The following TJP1 variants were observed in gnomAD, a reference collection of about 807,000 sequenced individuals.
TJP1 encodes the protein tight junction protein ZO-1.
A neutral mutation model predicts 194.2 loss-of-function variants in TJP1; 43 were observed. The ratio of observed to expected loss-of-function variants is 0.22; its 90% confidence interval spans 0.17 to 0.29. The LOEUF is 0.29. Ranked by LOEUF, TJP1 falls within the 10% of genes least tolerant of loss-of-function variation. The pLI is 1.00. For synonymous variants in TJP1, 801 were observed against 779.0 expected (o/e 1.03, Z -0.47); for missense variants, 1,971 against 2,185.7 (o/e 0.90, Z 1.96).
intron 8 of TJP1, among the ~76,000 whole-genome samples, chr15:29,748,360 G>T (rs2044955090): frequency 6.6e-6 from 1 of 152,114 alleles, no homozygotes; most frequent in South Asian, 2.1e-4. Context: ...TATGGTGTTG[G>T]ACTATGCAGA....
intron 2 of TJP1, among the ~76,000 whole-genome samples, chr15:29,918,451 T>C (rs181558440): frequency 1.3e-5 from 2 of 152,252 alleles, no homozygotes; most frequent in African/African-American, 2.4e-5. Context: ...TAAAATGGTA[T>C]AGGCCAGGAG....
intron 2 of TJP1, among the ~76,000 whole-genome samples, chr15:29,861,837 A>C (rs2052092772): frequency 6.6e-6 from 1 of 152,162 alleles, no homozygotes; most frequent in Non-Finnish European, 1.5e-5. Flanking sequence ...AAAAGTTTTA[A>C]ATATTGATGA....
chr15:29,747,611 T>C (rs1303351992), intron 8 of TJP1, among the ~76,000 whole-genome samples: 1 of 152,228 alleles, frequency 6.6e-6, no homozygotes, highest in Non-Finnish European at 1.5e-5. Context: ...TATTGCTCTG[T>C]ACAAAGCAGA....
intron 1 of TJP1, among the ~76,000 whole-genome samples, chr15:29,817,987 G>A (rs1388906217): frequency 1.3e-5 from 2 of 151,332 alleles, no homozygotes; most frequent in African/African-American, 4.9e-5. Context: ...TGCACATTCT[G>A]CACATGGATC....
intron 23 of TJP1, among the ~76,000 whole-genome samples, chr15:29,712,222 G>T (rs968381684): frequency 8.5e-5 from 13 of 152,182 alleles, no homozygotes; most frequent in Admixed American, 5.2e-4. Context: ...GAAGTCTTAT[G>T]ATTGGCTTTT....
chr15:29,764,170 T>A (rs1200110232), intron 5 of TJP1, among the ~76,000 whole-genome samples: 3 of 152,114 alleles, frequency 2.0e-5, no homozygotes, highest in African/African-American at 7.2e-5. Context: ...CCAAATGCGG[T>A]GAGTTCAGAG....
At chr15:29,850,616 T>C (rs2051604902) in intron 2 of TJP1, among the ~76,000 whole-genome samples, 1 of 151,878 alleles carries the variant, frequency 6.6e-6, no homozygotes, top group African/African-American at 2.4e-5. Context: ...ATTACAGGCA[T>C]GAGCCACCGC....
At chr15:29,735,752 GACA>G (rs1440847255) in intron 11 of TJP1, among the ~76,000 whole-genome samples, 2 of 152,094 alleles carry the variant, frequency 1.3e-5, no homozygotes, top group African/African-American at 4.8e-5. Context: ...TAACTTGATT[GACA>G]ACAATGTAAA....
At chr15:29,747,583 A>G (rs953710235) in intron 8 of TJP1, among the ~76,000 whole-genome samples, 2 of 152,238 alleles carry the variant, frequency 1.3e-5, no homozygotes, top group Non-Finnish European at 2.9e-5. Context: ...ACAAAATTTT[A>G]ATAGTTCTAC....
chr15:29,829,613 C>T (rs1320524359), intron 2 of TJP1, among the ~76,000 whole-genome samples: 1 of 143,802 alleles, frequency 7.0e-6, no homozygotes, highest in Non-Finnish European at 1.5e-5. Context: ...GCAGGGAGTG[C>T]CAAATTCATT....
chr15:29,709,768 A>G (rs2042123330), intron 24 of TJP1, among the ~76,000 whole-genome samples: 1 of 152,184 alleles, frequency 6.6e-6, no homozygotes, highest in Non-Finnish European at 1.5e-5. Context: ...TTCCTCCTTA[A>G]AATCAGGAAC....
At chr15:29,800,393 T>A in intron 2 of TJP1, 1 of 499,482 alleles carries the variant, frequency 2.0e-6, no homozygotes. Context: ...ATCTGATCAC[T>A]CAAAATTTTA....
chr15:29,890,982 C>G (rs1174443785), intron 2 of TJP1, among the ~76,000 whole-genome samples: 1 of 152,232 alleles, frequency 6.6e-6, no homozygotes. Flanking sequence ...TGGCACCAGG[C>G]CAAGCTCTAC....
At chr15:29,797,600 AT>A (rs1449441875) in intron 2 of TJP1, among the ~76,000 whole-genome samples, 13 of 151,098 alleles carry the variant, frequency 8.6e-5, no homozygotes, top group Non-Finnish European at 1.2e-4. Context: ...AAAAAAAAAA[AT>A]CTCAAAACTC....
At chr15:29,717,801 T>G (rs2042659077) in intron 22 of TJP1, among the ~76,000 whole-genome samples, 1 of 152,180 alleles carries the variant, frequency 6.6e-6, no homozygotes, top group Non-Finnish European at 1.5e-5. Context: ...TTTCCGAAAG[T>G]CTGCTAAAGG....
chr15:29,711,737 C>G (rs976222701), intron 23 of TJP1, among the ~76,000 whole-genome samples: 1 of 152,270 alleles, frequency 6.6e-6, no homozygotes, highest in Non-Finnish European at 1.5e-5. Flanking sequence ...ATGTCACAGA[C>G]TAGGGGTTGG....
intron 2 of TJP1, among the ~76,000 whole-genome samples, chr15:29,939,737 A>C (rs1444651712): frequency 6.6e-6 from 1 of 152,186 alleles, no homozygotes; most frequent in Non-Finnish European, 1.5e-5. Context: ...TGGAGCCCTC[A>C]TGAATGGGAT....
At chr15:29,701,779 G>C in intron 27 of TJP1, 90 bp from the exon 28 acceptor site, 1 of 904,754 alleles carries the variant, frequency 1.1e-6, no homozygotes, top group South Asian at 1.6e-5. Context: ...CGTATATTTA[G>C]ACATAATTTT....
rs78556253 is a variant in TJP1, at chr15:29,785,682, C to G, written c.85-12325G>C. 4.8e-3 allele frequency among the ~76,000 whole-genome samples: 734 copies of G among 152,308 alleles called. 30 individuals carry two copies. The East Asian group carries it at 0.097, about 20-fold the overall frequency. On this transcript the variant is annotated intron_variant, in intron 2 of 27. Coordinates refer to ENST00000614355, the MANE Select transcript of TJP1 (RefSeq NM_001330239.4). ...ACAATCCGCTAATTATAACTTTCCT[C>G]ACTAATTCTAGTCTTACTTTTCTCC...
Sources: gnomAD v4.1 joint callset for allele counts (sites outside exome capture counted in the v4.1 genomes callset) on GRCh38, gnomAD v4.1.1 for gene constraint, MANE v1.5 for transcripts, NCBI Gene and HGNC (gene_info 2026-07-23, HGNC 2026-07-21) for gene names.